The following NLGN1 variants were observed in gnomAD, a reference collection of about 807,000 sequenced individuals.
NLGN1 encodes neuroligin 1, also known as neuroligin-1.
A neutral mutation model predicts 65.5 loss-of-function variants in NLGN1; 12 were observed. The observed-to-expected ratio is 0.18, with a 90% confidence interval of 0.12 to 0.30. The LOEUF (loss-of-function observed/expected upper bound fraction) is 0.30, where lower values mean the gene tolerates loss of function less well. NLGN1 is among the 10% of genes least tolerant of loss of function. The probability of loss-of-function intolerance (pLI) is 1.00; values close to 1 mark genes in which losing one functional copy is unlikely to be tolerated. For synonymous variants in NLGN1, 350 were observed against 359.5 expected (o/e 0.97, Z 0.30); for missense variants, 750 against 1,007.1 (o/e 0.74, Z 3.46).
intron 4 of NLGN1, among the ~76,000 whole-genome samples, chr3:174,010,018 A>T (rs1460577873): frequency 1.3e-5 from 2 of 152,162 alleles, no homozygotes; most frequent in African/African-American, 4.8e-5. Flanking sequence ...ACTTTAATCA[A>T]TGTACTAGTA....
At chr3:173,618,290 G>A (rs1393083827) in intron 3 of NLGN1, among the ~76,000 whole-genome samples, 1 of 152,008 alleles carries the variant, frequency 6.6e-6, no homozygotes, top group Non-Finnish European at 1.5e-5. Context: ...TTGAGCCCAT[G>A]GGCTCAAGTG....
chr3:174,092,358 C>CATA (rs976408245), intron 4 of NLGN1, among the ~76,000 whole-genome samples: 1 of 151,972 alleles, frequency 6.6e-6, no homozygotes, highest in Non-Finnish European at 1.5e-5. Flanking sequence ...TAGGTATAGG[C>CATA]ATAAGATTGG....
intron 4 of NLGN1, among the ~76,000 whole-genome samples, chr3:174,139,354 G>A (rs1402975416): frequency 6.6e-6 from 1 of 151,732 alleles, no homozygotes; most frequent in Non-Finnish European, 1.5e-5. Flanking sequence ...ACATATAATT[G>A]GAATCACACG....
At chr3:173,535,986 CAG>C (rs1737373426) in intron 2 of NLGN1, among the ~76,000 whole-genome samples, 1 of 152,170 alleles carries the variant, frequency 6.6e-6, no homozygotes, top group African/African-American at 2.4e-5. Flanking sequence ...ACCTCAGTCT[CAG>C]AAGTTTTACA....
At chr3:174,019,002 A>G (rs1727198461) in intron 4 of NLGN1, among the ~76,000 whole-genome samples, 2 of 152,174 alleles carry the variant, frequency 1.3e-5, no homozygotes, top group African/African-American at 2.4e-5. Flanking sequence ...GATGATCACA[A>G]CAATGTTCAT....
At chr3:174,248,969 A>G (rs1461483420) in intron 4 of NLGN1, among the ~76,000 whole-genome samples, 1 of 152,168 alleles carries the variant, frequency 6.6e-6, no homozygotes, top group East Asian at 1.9e-4. Flanking sequence ...GCTTCCCCAC[A>G]TCCAGGAAAT....
chr3:173,516,906 C>G lies in NLGN1; in HGVS notation c.-321+81828C>G, dbSNP rs190581429. ...AATAATACAAATTGATTAGCTTTAT[C>G]TACTTCATAGAATTATATTAAGGAT... On this transcript the variant is annotated intron_variant, in intron 2 of 6. Coordinates refer to ENST00000457714, the Ensembl canonical transcript of NLGN1. Among the ~76,000 whole-genome samples, 5 of 152,104 alleles carry G rather than the reference C, an allele frequency of 3.3e-5. 1 individual carries two copies. Among genetic ancestry groups the G allele is most frequent in the Admixed American group, 2.6e-4 (4 of 15,286 alleles).
intron 3 of NLGN1, among the ~76,000 whole-genome samples, chr3:173,667,933 AT>A (rs1009064128): frequency 1.3e-5 from 2 of 151,998 alleles, no homozygotes; most frequent in African/African-American, 4.8e-5. Context: ...GCCAGACCCC[AT>A]TTTTTTATAA....
chr3:174,010,123 C>T (rs1470363484), intron 4 of NLGN1, among the ~76,000 whole-genome samples: 4 of 152,146 alleles, frequency 2.6e-5, no homozygotes, highest in Non-Finnish European at 4.4e-5. Flanking sequence ...GAAATGACAG[C>T]TTTAAAGATG....
chr3:173,524,139 G>A (rs2149150220), intron 2 of NLGN1, among the ~76,000 whole-genome samples: 1 of 151,596 alleles, frequency 6.6e-6, no homozygotes, highest in Admixed American at 6.6e-5. Flanking sequence ...TGTTAGCCAG[G>A]ATGGTCTCGA....
intron 2 of NLGN1, among the ~76,000 whole-genome samples, chr3:173,493,150 A>G (rs896340464): frequency 6.6e-6 from 1 of 151,798 alleles, no homozygotes; most frequent in African/African-American, 2.4e-5. Flanking sequence ...GGTATTATCA[A>G]CTTCATTTTA....
Position 173,421,722 on chromosome 3 carries a change from G to T in NLGN1, c.-389-13288G>T, listed in dbSNP as rs563360239. Among the ~76,000 whole-genome samples the T allele has an allele frequency of 2.6e-5, 4 of 151,852 alleles. No individual in the cohort carries two copies. The South Asian group carries it at 8.3e-4, about 32-fold the overall frequency. On this transcript the variant is annotated intron_variant, in intron 1 of 6. Coordinates refer to ENST00000457714, the Ensembl canonical transcript of NLGN1. ...TTTTGTAGAGACAGGGTTTTGGCGT[G>T]TTGCCTCAGGCTGGTCTTAAACTCC...
At chr3:173,779,964 C>G (rs1390220320) in intron 3 of NLGN1, among the ~76,000 whole-genome samples, 1 of 152,048 alleles carries the variant, frequency 6.6e-6, no homozygotes, top group Non-Finnish European at 1.5e-5. Flanking sequence ...CCAATTTTGT[C>G]AGTTGTCTTT....
intron 4 of NLGN1, among the ~76,000 whole-genome samples, chr3:174,024,141 T>TAAAA (rs34508881): frequency 9.8e-4 from 84 of 86,034 alleles, no homozygotes; most frequent in Non-Finnish European, 1.2e-3. Flanking sequence ...AGAGTCCTAT[T>TAAAA]AAAAAAAAAA....
intron 4 of NLGN1, among the ~76,000 whole-genome samples, chr3:174,179,036 C>A (rs1729930544): frequency 6.6e-6 from 1 of 151,932 alleles, no homozygotes; most frequent in Admixed American, 6.6e-5. Context: ...GTTATTATTA[C>A]CAGTGAAATT....
At chr3:173,841,949 TATTAGTCC>T (rs1165635220) in intron 4 of NLGN1, among the ~76,000 whole-genome samples, 2 of 152,178 alleles carry the variant, frequency 1.3e-5, no homozygotes, top group African/African-American at 4.8e-5. Context: ...AAGCAGCCTG[TATTAGTCC>T]ATTTTCACAC....
intron 3 of NLGN1, among the ~76,000 whole-genome samples, chr3:173,698,238 T>C (rs1766534846): frequency 6.6e-6 from 1 of 152,190 alleles, no homozygotes; most frequent in African/African-American, 2.4e-5. Context: ...TTGATGATAA[T>C]GCTTATGGTA....
intron 3 of NLGN1, among the ~76,000 whole-genome samples, chr3:173,736,625 TG>T (rs1222279716): frequency 6.6e-6 from 1 of 151,812 alleles, no homozygotes; most frequent in Non-Finnish European, 1.5e-5. Context: ...TGGAGAGGGT[TG>T]CAGTATGAGA....
intron 4 of NLGN1, among the ~76,000 whole-genome samples, chr3:174,107,688 T>G (rs931533495): frequency 3.9e-5 from 6 of 152,156 alleles, no homozygotes; most frequent in Non-Finnish European, 1.5e-5. Context: ...ATAGTTGCAT[T>G]TTTATTTTTT....
Sources: gnomAD v4.1 joint callset for allele counts (sites outside exome capture counted in the v4.1 genomes callset) on GRCh38, gnomAD v4.1.1 for gene constraint, MANE v1.5 for transcripts, NCBI Gene and HGNC (gene_info 2026-07-23, HGNC 2026-07-21) for gene names.